TRMT44: variants seen among roughly 807,000 people sequenced by gnomAD.
TRMT44 encodes the protein probable tRNA (uracil-O(2)-)-methyltransferase.
TRMT44 carries 78 observed loss-of-function variants against 77.3 expected under a neutral mutation model. The ratio of observed to expected loss-of-function variants is 1.01; its 90% CI spans 0.84 to 1.22. TRMT44 has a LOEUF of 1.22. TRMT44 is among the 50% of genes most tolerant of loss of function. The pLI is 0.00. For missense variants in TRMT44, 1,090 were observed against 964.4 expected, an observed-to-expected ratio of 1.13 and a Z score of -1.73; for synonymous variants, 391 against 383.3, an observed-to-expected ratio of 1.02 and a Z score of -0.23.
intron 8 of TRMT44, among the ~76,000 whole-genome samples, chr4:8,466,164 G>T (rs1560235090): frequency 1.3e-5 from 2 of 152,198 alleles, no homozygotes; most frequent in Non-Finnish European, 2.9e-5. Flanking sequence ...CTATGTCTCT[G>T]GTAACTTTAT....
downstream of TRMT44, chr4:8,478,823 C>T (rs978803119): frequency 6.6e-6 from 1 of 152,344 alleles, no homozygotes; most frequent in Non-Finnish European, 1.5e-5. Flanking sequence ...TGAGGGGCAG[C>T]CTCTGTCCCC....
chr4:8,468,608 T>G, intron 9 of TRMT44: 1 of 593,916 alleles, frequency 1.7e-6, no homozygotes, highest in Non-Finnish European at 3.0e-6. Context: ...CATGCAGGTT[T>G]AGGGGCTAGA....
intron 1 of TRMT44, among the ~76,000 whole-genome samples, chr4:8,443,445 A>G (rs1724876473): frequency 6.6e-6 from 1 of 152,228 alleles, no homozygotes; most frequent in Admixed American, 6.5e-5. Context: ...CATGGAATAT[A>G]GACAGCCTGG....
At chr4:8,504,157 G>T in the TRMT44 span, among the ~76,000 whole-genome samples, 2 of 152,130 alleles carry the variant, frequency 1.3e-5, no homozygotes, top group South Asian at 4.1e-4. The surrounding 1 kb of genome is among the most constrained non-coding windows in gnomAD (Gnocchi z 5.3). Flanking sequence ...TGCACTGCAT[G>T]GAATGGACAT....
chr4:8,502,205 TC>T, the TRMT44 span, among the ~76,000 whole-genome samples: 1 of 152,128 alleles, frequency 6.6e-6, no homozygotes, highest in Non-Finnish European at 1.5e-5. Flanking sequence ...CAGGAATGAC[TC>T]CAGAAACTGC....
In TRMT44 at chr4:8,446,419, C is replaced by G. The variant is rs1725062192; in HGVS notation, c.620-57C>G. On this transcript the variant is annotated intron_variant, in intron 1 of 10. Transcript: ENST00000389737. The surrounding 1 kb of genome is among the most constrained non-coding windows in gnomAD (Gnocchi z 4.3). ...CTCATCCCTATTTTTAATACTGCTT[C>G]TGATGAGACGGTAGCTAGGCAGTTG... The G allele has an allele frequency of 1.8e-6, 2 of 1,125,568 alleles. No individual in the cohort carries two copies. The highest frequency in any genetic ancestry group is 2.6e-6 in the Non-Finnish European group (2 of 776,616). The allele number at this position is 1,125,568 out of a possible 1,614,324, so 69.7% of individuals were successfully genotyped here.
the TRMT44 span, chr4:8,511,835 T>C: frequency 6.6e-6 from 1 of 152,140 alleles, no homozygotes; most frequent in Non-Finnish European, 1.5e-5. Context: ...TTCCAGCTGA[T>C]GAAATTCTAG....
Position 8,463,886 on chromosome 4 carries a change from G to A in TRMT44, c.1204-99G>A, listed in dbSNP as rs1054347340. On this transcript the variant is annotated intron_variant, in intron 6 of 10. Coordinates refer to ENST00000389737, the MANE Select transcript of TRMT44 (RefSeq NM_152544.3). ...AGCAGGTGAACTGCGGCTCTGCGCT[G>A]TGTGACTCCAGAGCCTGTACCCTCC... The A allele has an allele frequency of 1.1e-5, 11 of 964,296 alleles. No individual in the cohort carries two copies. The African/African-American group carries it at 1.5e-4, about 13-fold the overall frequency. The allele number at this position is 964,296 out of a possible 1,614,324, so 59.7% of individuals were successfully genotyped here.
chr4:8,507,880 A>G, the TRMT44 span, among the ~76,000 whole-genome samples: 1 of 150,520 alleles, frequency 6.6e-6, no homozygotes, highest in Non-Finnish European at 1.5e-5. Flanking sequence ...GTGGCCTCAC[A>G]TCTGGCAGTT....
At chr4:8,488,523 A>G (rs973219977) in intron 2 of TRMT44, among the ~76,000 whole-genome samples, 1 of 152,250 alleles carries the variant, frequency 6.6e-6, no homozygotes, top group African/African-American at 2.4e-5. Context: ...GACTTTCACA[A>G]GGTAATGTCA....
chr4:8,474,193 CTGTT>C lies in TRMT44; in HGVS notation c.2045-1576_2045-1573del, dbSNP rs1407452758. Among the ~76,000 whole-genome samples, 5 of 152,338 alleles carry C rather than the reference CTGTT, an allele frequency of 3.3e-5. No individual in the cohort carries two copies. In the East Asian group the frequency reaches 5.8e-4, roughly 18 times the overall value. ...AGGGCATCAGGCCAGAGGCCCCTCA[CTGTT>C]TGGGATCATGGGGAGTTGGGGGGAA... On this transcript the variant is annotated intron_variant, in intron 10 of 10. Coordinates refer to ENST00000389737, the MANE Select transcript of TRMT44 (RefSeq NM_152544.3).
intron 2 of TRMT44, chr4:8,493,155 T>C (rs1728059107): frequency 6.6e-6 from 1 of 151,846 alleles, no homozygotes; most frequent in African/African-American, 2.4e-5. Context: ...AAATTTGCCA[T>C]GAGATTAGAA....
chr4:8,450,652 C>T (rs1029374626), intron 3 of TRMT44, among the ~76,000 whole-genome samples: 4 of 152,094 alleles, frequency 2.6e-5, no homozygotes, highest in South Asian at 2.1e-4. Flanking sequence ...GAATTGGGGG[C>T]GGGTTCCCCC....
intron 8 of TRMT44, 76 bp downstream of exon 8, chr4:8,465,637 C>T: frequency 7.6e-7 from 1 of 1,311,270 alleles, no homozygotes; most frequent in Non-Finnish European, 1.1e-6. Flanking sequence ...GCCACAGAGC[C>T]ATGAACCATG....
chr4:8,497,950 A>G (rs182701446), downstream of TRMT44, among the ~76,000 whole-genome samples: 121 of 152,276 alleles, frequency 7.9e-4, no homozygotes, highest in African/African-American at 2.7e-3. Context: ...TCCCAGGGGC[A>G]GGGAGCAGGA....
chr4:8,445,099 C>A (rs1467795641), intron 1 of TRMT44, among the ~76,000 whole-genome samples: 1 of 152,172 alleles, frequency 6.6e-6, no homozygotes. Flanking sequence ...GGCTAAGAAA[C>A]CCTGATCCAG....
chr4:8,509,825 G>C, the TRMT44 span: 1 of 152,284 alleles, frequency 6.6e-6, no homozygotes, highest in Non-Finnish European at 1.5e-5. Flanking sequence ...GGCCTCACGG[G>C]GAAGCGAGAG....
chr4:8,494,365 C>T (rs1577071572), downstream of TRMT44, among the ~76,000 whole-genome samples: 2 of 152,178 alleles, frequency 1.3e-5, no homozygotes, highest in East Asian at 3.8e-4. Context: ...GGACAGAGCT[C>T]AAAGTCATCC....
chr4:8,503,390 G>C, the TRMT44 span, among the ~76,000 whole-genome samples: 2 of 152,346 alleles, frequency 1.3e-5, no homozygotes, highest in South Asian at 4.1e-4. Flanking sequence ...CCTAAAGCAA[G>C]AGAATCACCC....
Sources: allele counts gnomAD v4.1 joint callset (sites outside exome capture counted in the v4.1 genomes callset), GRCh38; gene constraint gnomAD v4.1.1; non-coding constraint Gnocchi (gnomAD v3.1); transcripts MANE v1.5; gene names NCBI Gene and HGNC (gene_info 2026-07-23, HGNC 2026-07-21).